Variants in PTGER3 observed in about 807,000 individuals in gnomAD.
PTGER3 encodes prostaglandin E receptor 3.
PTGER3 carries 22 observed loss-of-function variants against 34.7 expected under a neutral mutation model. The ratio of observed to expected loss-of-function variants is 0.63; its 90% CI spans 0.45 to 0.91. PTGER3 has a LOEUF of 0.91. PTGER3 is among the 40% of genes least tolerant of loss of function. PTGER3 has a pLI of 0.00. For missense variants in PTGER3, 468 were observed against 519.4 expected, an observed-to-expected ratio of 0.90 and a Z score of 0.96; for synonymous variants, 241 against 230.1, an observed-to-expected ratio of 1.05 and a Z score of -0.43.
In PTGER3 at chr1:71,012,499, C is replaced by G. The variant is rs772991007; in HGVS notation, c.898-15G>C. 4 of 1,602,992 alleles carry G rather than the reference C, an allele frequency of 2.5e-6. No individual in the cohort carries two copies. The Admixed American group carries it at 5.0e-5, about 20-fold the overall frequency. ...AACATCATTATCTAAGAAAAGGGGA[C>G]AAATAATTGTTTCAAAGATTAGTAA... On this transcript the variant is annotated splice_polypyrimidine_tract_variant and intron_variant, in intron 1 of 3. Transcript: ENST00000306666.
downstream of PTGER3, among the ~76,000 whole-genome samples, chr1:70,947,905 G>T (rs902327809): frequency 2.0e-5 from 3 of 152,120 alleles, no homozygotes; most frequent in African/African-American, 7.2e-5. Context: ...GGATGAATGG[G>T]TGTTTGTGGC....
At chr1:70,933,521 A>C (rs1648922119) in intron 4 of PTGER3, among the ~76,000 whole-genome samples, 1 of 152,230 alleles carries the variant, frequency 6.6e-6, no homozygotes, top group African/African-American at 2.4e-5. Flanking sequence ...ATCATTAAAC[A>C]ATGCAAAGTT....
exon 4 of PTGER3, chr1:70,952,980 T>C (rs375181734): frequency 1.1e-5 from 18 of 1,611,636 alleles, no homozygotes; most frequent in Non-Finnish European, 1.5e-5. Context: ...TTCTTCTCTG[T>C]TCAGCACACG....
intron 4 of PTGER3, among the ~76,000 whole-genome samples, chr1:70,856,653 T>C (rs1572464996): frequency 1.3e-5 from 2 of 152,338 alleles, no homozygotes; most frequent in East Asian, 3.9e-4. Flanking sequence ...TTTCAGAATG[T>C]GACTTAATAA....
chr1:71,032,579 T>C (rs1659502612), intron 1 of PTGER3, among the ~76,000 whole-genome samples: 1 of 152,192 alleles, frequency 6.6e-6, no homozygotes, highest in Admixed American at 6.5e-5. Flanking sequence ...GCTGGTTCCT[T>C]AGGAGCAGAG....
chr1:70,952,709 T>G (rs1167802478), exon 4 of PTGER3: 29 of 1,234,044 alleles, frequency 2.3e-5, no homozygotes, highest in Middle Eastern at 3.2e-4. Context: ...GTAGTTCGAG[T>G]GACCAACCAG....
In PTGER3 at chr1:70,890,560, C is replaced by T. The variant is rs186732329; in HGVS notation, c.*24-37701G>A. ...TTCTTGTGTATGTTATCTTGGTAAA[C>T]GGCACAATCATCCACTCAGCTGCAT... On this transcript the variant is annotated intron_variant, in intron 4 of 4. Transcript: ENST00000370931. 2.0e-4 allele frequency among the ~76,000 whole-genome samples: 31 copies of T among 152,252 alleles called. No homozygotes were observed. In the East Asian group the frequency reaches 4.8e-3, roughly 24 times the overall value.
chr1:70,917,670 A>G (rs538225609), intron 4 of PTGER3, among the ~76,000 whole-genome samples: 1 of 151,990 alleles, frequency 6.6e-6, no homozygotes, highest in East Asian at 1.9e-4. Context: ...TTACATTTCC[A>G]CCAACCACGT....
chr1:70,941,455 AT>A (rs1407995712), intron 4 of PTGER3, among the ~76,000 whole-genome samples: 1 of 152,182 alleles, frequency 6.6e-6, no homozygotes, highest in Non-Finnish European at 1.5e-5. Context: ...TTCCAATTAC[AT>A]TTTGTCACTA....
intron 1 of PTGER3, among the ~76,000 whole-genome samples, chr1:71,034,195 A>C (rs1213769858): frequency 7.0e-6 from 1 of 143,822 alleles, no homozygotes; most frequent in Non-Finnish European, 1.5e-5. Flanking sequence ...AGTTATATTA[A>C]TAACTACAAA....
intron 2 of PTGER3, among the ~76,000 whole-genome samples, chr1:70,964,050 T>A (rs1652249251): frequency 1.3e-5 from 2 of 152,174 alleles, no homozygotes; most frequent in South Asian, 4.1e-4. Flanking sequence ...TCACCTTTGT[T>A]CCAGTTCCCA....
At chr1:70,905,276 G>A (rs143525842) in intron 4 of PTGER3, among the ~76,000 whole-genome samples, 14 of 152,218 alleles carry the variant, frequency 9.2e-5, no homozygotes, top group Admixed American at 2.0e-4. Flanking sequence ...GAAGGGAAAC[G>A]TGGGGTCAGA....
intron 4 of PTGER3, among the ~76,000 whole-genome samples, chr1:70,880,876 TGTGTCTTGGGGATGGTTGTCTTATATA>T (rs145400613): frequency 0.048 from 7,325 of 152,128 alleles, 534 homozygotes; most frequent in South Asian, 0.2. Context: ...CTGACGACTA[TGTGTCTTGGGGATGGTTGTCTTATATA>T]GTGTCTTGTA....
chr1:70,889,242 C>T (rs1473188621), intron 4 of PTGER3, among the ~76,000 whole-genome samples: 1 of 151,620 alleles, frequency 6.6e-6, no homozygotes, highest in Non-Finnish European at 1.5e-5. Flanking sequence ...GGTGAAACCC[C>T]GTCTCTACTA....
chr1:70,893,522 A>G (rs369611691), intron 4 of PTGER3, among the ~76,000 whole-genome samples: 3 of 152,318 alleles, frequency 2.0e-5, no homozygotes, highest in Admixed American at 1.3e-4. Flanking sequence ...GACTTTCCCC[A>G]GCATCTGCCT....
intron 2 of PTGER3, among the ~76,000 whole-genome samples, chr1:70,959,635 A>G (rs1651717802): frequency 6.6e-6 from 1 of 152,164 alleles, no homozygotes; most frequent in Non-Finnish European, 1.5e-5. Context: ...TGCTGAGATT[A>G]CAGGCATGAG....
intron 1 of PTGER3, among the ~76,000 whole-genome samples, chr1:71,035,484 T>G (rs1449119470): frequency 6.6e-6 from 1 of 152,204 alleles, no homozygotes; most frequent in African/African-American, 2.4e-5. Flanking sequence ...TACTTCCCAC[T>G]CCTCTTTTAA....
At position 71,047,194 on chromosome 1, in the gene PTGER3, C is replaced by T. The variant is rs1369917016; in HGVS notation, c.384G>A (p.Arg128=). ...TGGTCAGCCCGAAAAAGGTGCAGAG[C>T]CGCCCCGACGGGTCGATGTGCTCCC... ...QRWEHIDPSG[R]LCTFFGLTMT... Residue 128 remains arginine, a synonymous_variant, in exon 1 of 4, where the codon CGG becomes CGA. Coordinates refer to ENST00000306666, the MANE Select transcript of PTGER3 (RefSeq NM_198719.2). 6.3e-7 allele frequency: 1 copy of T among 1,598,876 alleles called. No homozygotes were observed. Among genetic ancestry groups the T allele is most frequent in the Non-Finnish European group, 8.5e-7 (1 of 1,173,060 alleles).
At chr1:70,911,693 A>G (rs1296583206) in intron 4 of PTGER3, among the ~76,000 whole-genome samples, 2 of 152,142 alleles carry the variant, frequency 1.3e-5, no homozygotes, top group African/African-American at 4.8e-5. Flanking sequence ...TTTTTAGCCA[A>G]TTCTATTAAA....
Sources: allele counts gnomAD v4.1 joint callset (sites outside exome capture counted in the v4.1 genomes callset), GRCh38; gene constraint gnomAD v4.1.1; transcripts MANE v1.5; gene names NCBI Gene and HGNC (gene_info 2026-07-23, HGNC 2026-07-21).